RAB31: variants seen among roughly 807,000 people sequenced by gnomAD.
The protein encoded by RAB31 is ras-related protein Rab-31.
In RAB31, 21 loss-of-function variants were observed where a neutral mutation model predicts 25.6. The ratio of observed to expected loss-of-function variants is 0.82; its 90% CI spans 0.58 to 1.18. RAB31 has a LOEUF of 1.18. Ranked by LOEUF, RAB31 falls within the 50% of genes most tolerant of loss-of-function variation. The pLI is 0.00. For missense variants in RAB31, 196 were observed against 250.1 expected, an observed-to-expected ratio of 0.78 and a Z score of 1.46; for synonymous variants, 87 against 84.0, an observed-to-expected ratio of 1.04 and a Z score of -0.20.
chr18:9,852,787 C>T (rs1675493936), intron 6 of RAB31, among the ~76,000 whole-genome samples: 1 of 152,146 alleles, frequency 6.6e-6, no homozygotes, highest in East Asian at 1.9e-4. Context: ...GTGTTTTTAA[C>T]TTTCTAAGAT....
rs1244242192 is a variant in RAB31 at position 9,799,926 on chromosome 18, A to G, written c.201+7691A>G. Among the ~76,000 whole-genome samples, 3 of 152,152 alleles carry G rather than the reference A, an allele frequency of 2.0e-5. No homozygotes were observed. The East Asian group carries it at 5.8e-4, about 29-fold the overall frequency. On this transcript the variant is annotated intron_variant, in intron 3 of 6. Coordinates refer to ENST00000578921, the MANE Select transcript of RAB31 (RefSeq NM_006868.4). ...GCCATTGGGCTCCCTCTGTTGTACC[A>G]TCAGTGTGGCCTTTGGGAAGTTTTT...
chr18:9,752,284 G>A (rs1237083818), intron 1 of RAB31, among the ~76,000 whole-genome samples: 1 of 152,064 alleles, frequency 6.6e-6, no homozygotes. Context: ...GAGTGCAGTG[G>A]TGTGATCTTG....
At chr18:9,855,392 G>A (rs1184789902) in intron 6 of RAB31, among the ~76,000 whole-genome samples, 1 of 152,194 alleles carries the variant, frequency 6.6e-6, no homozygotes, top group Admixed American at 6.5e-5. Flanking sequence ...TTTTGTAAGA[G>A]TGGAAACCTA....
chr18:9,816,167 A>C (rs1470106664), intron 5 of RAB31: 1 of 223,008 alleles, frequency 4.5e-6, no homozygotes, highest in Non-Finnish European at 9.7e-6. Flanking sequence ...CTGAGTGTAC[A>C]AAGGTATCAT....
intron 5 of RAB31, among the ~76,000 whole-genome samples, chr18:9,844,224 G>C (rs562179241): frequency 1.3e-5 from 2 of 152,222 alleles, no homozygotes; most frequent in African/African-American, 4.8e-5. Context: ...AGACAGACAT[G>C]GTGTGCCTCC....
intron 1 of RAB31, among the ~76,000 whole-genome samples, chr18:9,725,771 A>C (rs1004637366): frequency 2.0e-5 from 3 of 152,222 alleles, no homozygotes; most frequent in African/African-American, 7.2e-5. Flanking sequence ...GGTCCTGGTC[A>C]GGTTCTTTGG....
In RAB31 at chr18:9,815,013, A is replaced by C. The variant is rs1055948300; in HGVS notation, c.274-103A>C. Reference sequence around the variant, plus strand: ...TATGTTAATCTGCATGAGTCTCCTAAAAATATTTTTCTCCATTAAATTGTA... The same window carrying C: ...TATGTTAATCTGCATGAGTCTCCTACAAATATTTTTCTCCATTAAATTGTA... On this transcript the variant is annotated intron_variant, in intron 4 of 6. Transcript: ENST00000578921. The C allele has an allele frequency of 9.6e-6, 8 of 833,074 alleles. No homozygotes were observed. In the African/African-American group the frequency reaches 1.4e-4, roughly 14 times the overall value. 51.6% of individuals were successfully genotyped at this position (833,074 alleles called of 1,614,324 possible). A position where few individuals can be genotyped will look rare whatever the true frequency, so the allele number is the denominator to read the frequency against.
chr18:9,718,402 G>C (rs982597811), intron 1 of RAB31, among the ~76,000 whole-genome samples: 5 of 152,062 alleles, frequency 3.3e-5, no homozygotes, highest in African/African-American at 1.2e-4. Flanking sequence ...TGGGATTACA[G>C]GCATGCGCCA....
At chr18:9,853,385 G>A (rs1222733838) in intron 6 of RAB31, among the ~76,000 whole-genome samples, 2 of 152,180 alleles carry the variant, frequency 1.3e-5, no homozygotes. Flanking sequence ...CATAAAAAAT[G>A]TGGAAGAACC....
In RAB31 at chr18:9,800,787, T is replaced by C. The variant is rs76758594; in HGVS notation, c.201+8552T>C. Among the ~76,000 whole-genome samples the C allele has an allele frequency of 1.1e-3, 155 of 138,608 alleles. 1 individual carries two copies. The highest frequency in any genetic ancestry group is 1.6e-3 in the Non-Finnish European group (102 of 62,184). 90.9% of individuals were successfully genotyped at this position (138,608 alleles called of 152,430 possible). A position where few individuals can be genotyped will look rare whatever the true frequency, so the allele number is the denominator to read the frequency against. Reference sequence around the variant, plus strand: ...GTATGTGGAGTATGACCAGCCCCCCTTTTTTTTTATTTAAAAACAGCTTTA... The same window carrying C: ...GTATGTGGAGTATGACCAGCCCCCCCTTTTTTTTATTTAAAAACAGCTTTA... On this transcript the variant is annotated intron_variant, in intron 3 of 6. Transcript: ENST00000578921.
At position 9,827,995 on chromosome 18, in the gene RAB31, T is replaced by C. The variant is rs553326622; in HGVS notation, c.380+12773T>C. 2.6e-5 allele frequency among the ~76,000 whole-genome samples: 4 copies of C among 152,144 alleles called. No homozygotes were observed. In the East Asian group the frequency reaches 7.7e-4, roughly 29 times the overall value. On this transcript the variant is annotated intron_variant, in intron 5 of 6. Transcript: ENST00000578921. ...TCAGGAAGGGGAGAGGTCAGAATCA[T>C]CTGTTGTGACTAGGAAAGGCATGGG...
intron 3 of RAB31, among the ~76,000 whole-genome samples, chr18:9,807,274 T>C (rs182970878): frequency 5.8e-4 from 88 of 152,318 alleles, no homozygotes; most frequent in Non-Finnish European, 9.8e-4. Flanking sequence ...GCGAAGATAC[T>C]GTCCCACACA....
At chr18:9,843,543 CAAAAAAAA>C (rs11291478) in intron 5 of RAB31, among the ~76,000 whole-genome samples, 7 of 68,432 alleles carry the variant, frequency 1.0e-4, no homozygotes, top group African/African-American at 3.6e-4. Context: ...AAGACACTGT[CAAAAAAAA>C]AAAAAAAAAA....
At chr18:9,790,302 A>G (rs1599039601) in intron 2 of RAB31, among the ~76,000 whole-genome samples, 1 of 152,026 alleles carries the variant, frequency 6.6e-6, no homozygotes, top group African/African-American at 2.4e-5. Context: ...GCGCTTCACT[A>G]CCAGCCTCAG....
At chr18:9,729,764 T>C (rs886474986) in intron 1 of RAB31, among the ~76,000 whole-genome samples, 2 of 152,010 alleles carry the variant, frequency 1.3e-5, no homozygotes, top group Non-Finnish European at 2.9e-5. Flanking sequence ...GAGATTTCCA[T>C]GTGTATGTGT....
At chr18:9,750,396 C>T (rs2068228617) in intron 1 of RAB31, among the ~76,000 whole-genome samples, 1 of 152,160 alleles carries the variant, frequency 6.6e-6, no homozygotes, top group African/African-American at 2.4e-5. Flanking sequence ...ATCCATTTAG[C>T]AGAAAAGGAC....
chr18:9,745,277 T>G (rs2068199806), intron 1 of RAB31, among the ~76,000 whole-genome samples: 2 of 152,118 alleles, frequency 1.3e-5, no homozygotes, highest in Admixed American at 1.3e-4. Flanking sequence ...CTGAATAGAC[T>G]TAAAACAAGT....
chr18:9,788,163 G>A (rs1162780260), intron 2 of RAB31, among the ~76,000 whole-genome samples: 1 of 152,156 alleles, frequency 6.6e-6, no homozygotes, highest in African/African-American at 2.4e-5. Flanking sequence ...CGAAAATCCA[G>A]AATATACAAG....
chr18:9,753,339 T>A (rs1310938347), intron 1 of RAB31, among the ~76,000 whole-genome samples: 1 of 151,862 alleles, frequency 6.6e-6, no homozygotes, highest in African/African-American at 2.4e-5. Context: ...TAATGGGTTA[T>A]CACAGGAGTG....
Sources: gnomAD v4.1 joint callset for allele counts (sites outside exome capture counted in the v4.1 genomes callset) on GRCh38, gnomAD v4.1.1 for gene constraint, MANE v1.5 for transcripts, NCBI Gene and HGNC (gene_info 2026-07-23, HGNC 2026-07-21) for gene names.